AHCY: variants seen among roughly 807,000 people sequenced by gnomAD.
AHCY encodes S-adenosyl-L-homocysteine hydrolase.
Under a neutral mutation model 45.4 loss-of-function variants are expected in AHCY, and 24 were observed. The ratio of observed to expected loss-of-function variants is 0.53; its 90% CI spans 0.38 to 0.74. AHCY has a LOEUF of 0.74. Among genes scored for constraint, AHCY ranks in the 30% least tolerant of loss-of-function variants. AHCY has a pLI of 0.00. For missense variants in AHCY, 449 were observed against 594.1 expected, an observed-to-expected ratio of 0.76 and a Z score of 2.54; for synonymous variants, 245 against 235.1, an observed-to-expected ratio of 1.04 and a Z score of -0.39.
the AHCY span, among the ~76,000 whole-genome samples, chr20:34,235,821 GAAA>G: frequency 1.6e-5 from 1 of 60,832 alleles, no homozygotes; most frequent in Non-Finnish European, 2.5e-5. Flanking sequence ...AAGAAAGAAA[GAAA>G]GAAAGAAAGA....
the AHCY span, among the ~76,000 whole-genome samples, chr20:34,232,651 G>A: frequency 2.6e-5 from 4 of 152,142 alleles, no homozygotes; most frequent in African/African-American, 9.7e-5. Flanking sequence ...GCATAACCAA[G>A]GCCACTCAGG....
At chr20:34,291,560 A>T in intron 4 of AHCY, 29 bp from the exon 5 acceptor site, 1 of 1,582,870 alleles carries the variant, frequency 6.3e-7, no homozygotes, top group Non-Finnish European at 8.7e-7. Flanking sequence ...GACAAGCCTC[A>T]GAGATGCCAC....
chr20:34,310,493 T>C (rs2122854973), intron 1 of AHCY, among the ~76,000 whole-genome samples: 1 of 152,362 alleles, frequency 6.6e-6, no homozygotes, highest in African/African-American at 2.4e-5. Flanking sequence ...ACAACCTTAA[T>C]GAACAACACT....
At chr20:34,263,982 T>C in the AHCY span, among the ~76,000 whole-genome samples, 1 of 152,142 alleles carries the variant, frequency 6.6e-6, no homozygotes, top group Non-Finnish European at 1.5e-5. Flanking sequence ...ACTTTTTAAA[T>C]TGGAAAATAT....
rs1315088151 is a variant in AHCY, at chr20:34,280,663, C to T, written c.*371G>A. ...AGAACCACTGGACCTGTAAACCAAG[C>T]ACACAGGTATAAGTCCACAGACCAG... On this transcript the variant is annotated 3_prime_UTR_variant, in exon 10 of 10. Transcript: ENST00000217426. The T allele has an allele frequency of 3.0e-6, 1 of 334,502 alleles. No homozygotes were observed. The highest frequency in any genetic ancestry group is 5.8e-6 in the Non-Finnish European group (1 of 172,378). The allele number at this position is 334,502 out of a possible 1,614,324, so 20.7% of individuals were successfully genotyped here.
chr20:34,309,772 ACT>A (rs1447846551), intron 1 of AHCY, among the ~76,000 whole-genome samples: 1 of 152,076 alleles, frequency 6.6e-6, no homozygotes. Context: ...CAAGAGCAAG[ACT>A]CTGTCTCAAA....
chr20:34,285,750 C>A, intron 8 of AHCY, 116 bp from the exon 9 acceptor site: 3 of 1,080,688 alleles, frequency 2.8e-6, no homozygotes, highest in Non-Finnish European at 4.1e-6. Context: ...CGAACTGCTC[C>A]AAAACAACCT....
At chr20:34,235,927 GAAGC>G in the AHCY span, among the ~76,000 whole-genome samples, 2 of 130,994 alleles carry the variant, frequency 1.5e-5, no homozygotes, top group Admixed American at 7.3e-5. Context: ...AGGAAGGAAG[GAAGC>G]GGGAGGGAGG....
chr20:34,240,299 G>C, the AHCY span, among the ~76,000 whole-genome samples: 1 of 152,172 alleles, frequency 6.6e-6, no homozygotes, highest in Non-Finnish European at 1.5e-5. Flanking sequence ...CTGGGCTTGT[G>C]AAAAATTTAA....
At chr20:34,266,672 C>G in the AHCY span, among the ~76,000 whole-genome samples, 8 of 152,134 alleles carry the variant, frequency 5.3e-5, no homozygotes, top group African/African-American at 1.9e-4. Context: ...GACTCCATCT[C>G]AAAAACAAAC....
chr20:34,303,165 G>A lies in AHCY; in HGVS notation c.28+78C>T. On this transcript the variant is annotated intron_variant, in intron 1 of 9. Coordinates refer to ENST00000217426, the MANE Select transcript of AHCY (RefSeq NM_000687.4). The stretch of plus-strand genomic sequence containing the variant: ...CAGGGGGTCCAGAGAGCCCCGAGTC[G>A]GCCCTGCAGCCCCCGCCACGAACAA... 5 of 1,544,024 alleles carry A rather than the reference G, an allele frequency of 3.2e-6. No homozygotes were observed. In the Admixed American group the frequency reaches 9.9e-5, roughly 30 times the overall value.
At chr20:34,233,640 C>G in the AHCY span, among the ~76,000 whole-genome samples, 1 of 152,114 alleles carries the variant, frequency 6.6e-6, no homozygotes, top group African/African-American at 2.4e-5. Context: ...ATGGTACCAC[C>G]AGTCTGAAGA....
chr20:34,271,354 C>CA, the AHCY span, among the ~76,000 whole-genome samples: 4 of 152,204 alleles, frequency 2.6e-5, no homozygotes, highest in Non-Finnish European at 5.9e-5. Flanking sequence ...ATTTGTGACT[C>CA]AGAGTTATGG....
intron 1 of AHCY, chr20:34,301,934 A>C: frequency 1.0e-6 from 1 of 985,354 alleles, no homozygotes; most frequent in Non-Finnish European, 1.2e-6. Context: ...CACGTAAATC[A>C]CCAGATATAC....
chr20:34,257,224 T>C, the AHCY span, among the ~76,000 whole-genome samples: 2 of 151,932 alleles, frequency 1.3e-5, no homozygotes, highest in Admixed American at 1.3e-4. Context: ...GGTGGATTTA[T>C]AGGCATCTAC....
At chr20:34,256,996 T>A in the AHCY span, among the ~76,000 whole-genome samples, 2 of 152,188 alleles carry the variant, frequency 1.3e-5, no homozygotes, top group Admixed American at 6.6e-5. Flanking sequence ...CACATCTCCA[T>A]CCTTTACTTT....
Position 34,295,420 on chromosome 20 carries a change from T to A in AHCY, c.194A>T (p.Glu65Val). 6.2e-7 allele frequency: 1 copy of A among 1,614,014 alleles called. No homozygotes were observed. Among genetic ancestry groups the A allele is most frequent in the South Asian group, 1.1e-5 (1 of 91,078 alleles). Residue 65 changes from glutamate to valine, a missense_variant, in exon 2 of 10, where the codon GAG becomes GTG. Glu to Val is a moderately radical substitution (Grantham distance 121). Coordinates refer to ENST00000217426, the MANE Select transcript of AHCY (RefSeq NM_000687.4). ...CTCAGCACCCAGGGTGACGAGGGTC[T>A]CAATGAGGACGGCCGTCTCCACGGT... ...HMTVETAVLI[E>V]TLVTLGAEVQ...
chr20:34,269,087 T>A, the AHCY span: 1 of 1,579,992 alleles, frequency 6.3e-7, no homozygotes, highest in Non-Finnish European at 8.6e-7. Context: ...GGCACCCGCC[T>A]GCTGCGACCC....
chr20:34,268,456 G>A, the AHCY span, among the ~76,000 whole-genome samples: 6 of 152,120 alleles, frequency 3.9e-5, no homozygotes, highest in African/African-American at 1.4e-4. Context: ...GGTGGCTCAC[G>A]CCTGTAATGT....
Sources: allele counts gnomAD v4.1 joint callset (sites outside exome capture counted in the v4.1 genomes callset), GRCh38; gene constraint gnomAD v4.1.1; transcripts MANE v1.5; gene names NCBI Gene and HGNC (gene_info 2026-07-23, HGNC 2026-07-21).